OGT: variants seen among roughly 807,000 people sequenced by gnomAD.
OGT encodes the protein UDP-N-acetylglucosamine--peptide N-acetylglucosaminyltransferase 110 kDa subunit.
In OGT, 3 loss-of-function variants were observed where a neutral mutation model predicts 75.8. The ratio of observed to expected loss-of-function variants is 0.04; its 90% confidence interval spans 0.02 to 0.10. The LOEUF (loss-of-function observed/expected upper bound fraction) is 0.10, where lower values mean the gene tolerates loss of function less well. OGT is among the 10% of genes least tolerant of loss of function. The pLI is 1.00. For missense variants in OGT, 260 were observed against 824.4 expected (o/e 0.32, Z 8.38); for synonymous variants, 257 against 289.7 (o/e 0.89, Z 1.15).
At chrX:71,559,784 A>G (rs1366732021) in intron 14 of OGT, 107 bp downstream of exon 14, 1 of 528,184 alleles carries the variant, frequency 1.9e-6, no homozygotes, top group Non-Finnish European at 3.1e-6. Context: ...GTAGTACCAC[A>G]TATAGGCAAT....
In OGT at chrX:71,561,931, A is replaced by T. The variant is rs909649510; in HGVS notation, c.1977+31A>T. ...CAAATTAACAGTCATCACTTATAAC[A>T]TGTATTTGGCTAAGAATACAGTGAG... On this transcript the variant is annotated intron_variant, in intron 15 of 21. Transcript: ENST00000373719. 3 of 1,157,944 alleles carry T rather than the reference A, an allele frequency of 2.6e-6. No homozygotes were observed. In the African/African-American group the frequency reaches 5.4e-5, roughly 21 times the overall value.
intron 1 of OGT, among the ~76,000 whole-genome samples, chrX:71,535,447 G>A (rs1305918103): frequency 8.9e-6 from 1 of 111,919 alleles, no homozygotes; most frequent in East Asian, 2.8e-4. Flanking sequence ...GATGGTAGAG[G>A]AGCAGTGTAA....
At chrX:71,561,685 C>T in intron 14 of OGT, 90 bp from the exon 15 acceptor site, 1 of 708,799 alleles carries the variant, frequency 1.4e-6, no homozygotes, top group Non-Finnish European at 2.0e-6. Context: ...TGTTAAATGC[C>T]ATTAAAACTA....
rs2040367296 is a variant in OGT, at chrX:71,559,435, G to GT, written c.1761+11dup. The GT allele has an allele frequency of 1.7e-6, 2 of 1,195,547 alleles. No individual in the cohort carries two copies. Among genetic ancestry groups the GT allele is most frequent in the Non-Finnish European group, 2.3e-6 (2 of 884,992 alleles). ...TCCTGATAAATTTGAGGTAAGACTA[G>GT]TGTTTCTCTAGAATCACTATTTGTT... On this transcript the variant is annotated intron_variant, in intron 13 of 21. Transcript: ENST00000373719.
intron 21 of OGT, among the ~76,000 whole-genome samples, chrX:71,568,847 AAAAC>A (rs1189812204): frequency 3.0e-4 from 31 of 104,799 alleles, no homozygotes; most frequent in Non-Finnish European, 4.5e-4. Context: ...AACAAAAACA[AAAAC>A]AAACAAACAA....
At chrX:71,572,892 G>A (rs950257258) in intron 21 of OGT, among the ~76,000 whole-genome samples, 10 of 112,200 alleles carry the variant, frequency 8.9e-5, no homozygotes, top group Non-Finnish European at 1.9e-4. Context: ...ATTCAAAAGG[G>A]AAGTAGAAAT....
At chrX:71,564,862 A>T (rs1016889355) in intron 19 of OGT, 109 bp downstream of exon 19, 1 of 677,315 alleles carries the variant, frequency 1.5e-6, no homozygotes, top group Non-Finnish European at 2.2e-6. Context: ...ATTTCTTTTT[A>T]AAATTTTTTT....
At chrX:71,534,238 C>T (rs1035166206) in intron 1 of OGT, 1 of 111,576 alleles carries the variant, frequency 9.0e-6, no homozygotes, top group Non-Finnish European at 1.9e-5. Context: ...TTCTTCAGCC[C>T]AGTATCTCTT....
Position 71,564,686 on chromosome X carries a change from C to T in OGT, c.2522C>T (p.Ala841Val), listed in dbSNP as rs776939085. Residue 841 changes from alanine (A) to valine (V), a missense_variant, in exon 19 of 22, where the codon GCC (alanine) becomes GTC (valine). Around this residue, in one of 6 missense-constraint regions of OGT, gnomAD observed 79 missense variants for 141.0 expected, o/e 0.56. Transcript: ENST00000373719. ...TCTCAGTACGGGTTACCAGAAGATG[C>T]CATCGTATACTGTAACTTTAATCAG... ...TRSQYGLPED[A>V]IVYCNFNQLY... The T allele has an allele frequency of 1.8e-5, 22 of 1,199,389 alleles. No individual in the cohort carries two copies. Among genetic ancestry groups the T allele is most frequent in the Non-Finnish European group, 2.4e-5 (21 of 886,033 alleles).
At chrX:71,567,367 G>C (rs2040423315) in intron 19 of OGT, 133 bp from the exon 20 acceptor site, 1 of 450,925 alleles carries the variant, frequency 2.2e-6, no homozygotes, top group Non-Finnish European at 3.5e-6. Flanking sequence ...GTGAAGGAAA[G>C]ACTTAAGTCC....
intron 14 of OGT, among the ~76,000 whole-genome samples, chrX:71,560,662 T>G (rs2040377157): frequency 8.9e-6 from 1 of 112,142 alleles, no homozygotes; most frequent in African/African-American, 3.2e-5. Context: ...TCTCATTTAA[T>G]AAATAGTATG....
chrX:71,534,158 G>T (rs35011801), intron 1 of OGT: 1,191 of 110,835 alleles, frequency 0.011, 7 homozygotes, highest in Non-Finnish European at 0.016. Context: ...CACCCTGCCC[G>T]CCCAATTCTC....
intron 7 of OGT, chrX:71,555,735 C>G: frequency 2.3e-6 from 1 of 434,193 alleles, no homozygotes; most frequent in East Asian, 4.0e-5. Flanking sequence ...AAAAAAATCA[C>G]AAAAACCAAA....
At chrX:71,544,940 C>T in intron 4 of OGT, 2 of 252,872 alleles carry the variant, frequency 7.9e-6, no homozygotes, top group Non-Finnish European at 7.2e-6. Context: ...CTGAGGCTTG[C>T]CTGCTGGTGA....
At chrX:71,544,119 G>A (rs1250834101) in intron 3 of OGT, among the ~76,000 whole-genome samples, 2 of 110,643 alleles carry the variant, frequency 1.8e-5, no homozygotes, top group Admixed American at 2.0e-4. Context: ...CTGACATTTG[G>A]GGAGGAGAGA....
intron 1 of OGT, among the ~76,000 whole-genome samples, chrX:71,535,378 T>C (rs2040168368): frequency 9.0e-6 from 1 of 111,684 alleles, no homozygotes; most frequent in Non-Finnish European, 1.9e-5. Flanking sequence ...GTTTGGAAAA[T>C]GTTAGTGCTA....
At position 71,553,340 on chromosome X, in the gene OGT, C is replaced by T. The variant is rs182363085; in HGVS notation, c.649-1173C>T. Among the ~76,000 whole-genome samples, 15 of 111,827 alleles carry T rather than the reference C, an allele frequency of 1.3e-4. No individual in the cohort carries two copies. The East Asian group carries it at 3.1e-3, about 23-fold the overall frequency. On this transcript the variant is annotated intron_variant, in intron 5 of 21. Coordinates refer to ENST00000373719, the MANE Select transcript of OGT (RefSeq NM_181672.3). Reference sequence around the variant, plus strand: ...AACTCCGGGCCTCAAGTGATCTGCCCGCCTTGGCCTCCCAAAGTGCTGGGA... The same window carrying T: ...AACTCCGGGCCTCAAGTGATCTGCCTGCCTTGGCCTCCCAAAGTGCTGGGA...
At chrX:71,555,019 G>A (rs1453248072) in intron 6 of OGT, among the ~76,000 whole-genome samples, 171 bp from the exon 7 acceptor site, 1 of 111,260 alleles carries the variant, frequency 9.0e-6, no homozygotes, top group Non-Finnish European at 1.9e-5. Flanking sequence ...TTTGGTTTGA[G>A]GTTAAAATAT....
intron 3 of OGT, among the ~76,000 whole-genome samples, chrX:71,543,562 C>T (rs2040235076): frequency 9.1e-6 from 1 of 109,686 alleles, no homozygotes; most frequent in African/African-American, 3.3e-5. Context: ...TTCTTCTGCC[C>T]GATAGTGAAA....
Sources: gnomAD v4.1 joint callset for allele counts (sites outside exome capture counted in the v4.1 genomes callset) on GRCh38, gnomAD v4.1.1 for gene constraint, gnomAD v4.1.1 regional missense constraint, MANE v1.5 for transcripts, NCBI Gene and HGNC (gene_info 2026-07-23, HGNC 2026-07-21) for gene names.